The following TFDP2 variants were observed in gnomAD, a reference collection of about 807,000 sequenced individuals.
TFDP2 encodes transcription factor Dp-2 (E2F dimerization partner 2).
In TFDP2, 17 loss-of-function variants were observed where a neutral mutation model predicts 59.3. The ratio of observed to expected loss-of-function variants is 0.29; its 90% CI spans 0.20 to 0.43. The LOEUF (loss-of-function observed/expected upper bound fraction) is 0.43. Ranked by LOEUF, TFDP2 falls within the 20% of genes least tolerant of loss-of-function variation. The pLI is 1.00. For synonymous variants in TFDP2, 180 were observed against 194.7 expected, an observed-to-expected ratio of 0.92 and a Z score of 0.63; for missense variants, 391 against 528.8, an observed-to-expected ratio of 0.74 and a Z score of 2.56.
intron 3 of TFDP2, among the ~76,000 whole-genome samples, chr3:142,066,859 A>C (rs2060089311): frequency 1.3e-5 from 2 of 152,206 alleles, no homozygotes; most frequent in South Asian, 4.1e-4. Flanking sequence ...TTGACATATA[A>C]AAATCAATCA....
intron 1 of TFDP2, among the ~76,000 whole-genome samples, chr3:142,120,824 T>G (rs1392244697): frequency 2.0e-5 from 3 of 152,142 alleles, no homozygotes; most frequent in Non-Finnish European, 4.4e-5. Flanking sequence ...CAACCACTGT[T>G]CATAACCCCA....
intron 4 of TFDP2, among the ~76,000 whole-genome samples, chr3:141,997,893 AGAAG>A (rs1320135745): frequency 1.3e-5 from 2 of 151,258 alleles, no homozygotes; most frequent in Non-Finnish European, 2.9e-5. Context: ...AAAAAAAGAG[AGAAG>A]GAAGGGAAAG....
intron 1 of TFDP2, among the ~76,000 whole-genome samples, chr3:142,107,781 T>G (rs1489477750): frequency 3.3e-5 from 5 of 152,164 alleles, no homozygotes; most frequent in Non-Finnish European, 5.9e-5. Context: ...CCAGCAAAAG[T>G]GTTCTTAACT....
intron 1 of TFDP2, among the ~76,000 whole-genome samples, chr3:142,116,122 T>C (rs2061845836): frequency 2.0e-5 from 3 of 151,828 alleles, no homozygotes; most frequent in Admixed American, 1.3e-4. Flanking sequence ...TGGAATGCAG[T>C]GGTGCAATCA....
chr3:142,031,446 T>G (rs1261361661), intron 3 of TFDP2, among the ~76,000 whole-genome samples: 1 of 152,160 alleles, frequency 6.6e-6, no homozygotes, highest in Non-Finnish European at 1.5e-5. Flanking sequence ...GGTCTCAAAT[T>G]CTTTACTCAT....
chr3:142,147,147 G>A (rs2063210243), intron 1 of TFDP2, among the ~76,000 whole-genome samples: 1 of 151,296 alleles, frequency 6.6e-6, no homozygotes, highest in South Asian at 2.1e-4. Flanking sequence ...ATACAAATAT[G>A]CATAATTTTG....
chr3:142,116,444 T>C (rs2061855891), intron 1 of TFDP2, among the ~76,000 whole-genome samples: 1 of 152,098 alleles, frequency 6.6e-6, no homozygotes. Flanking sequence ...GAGGCAGAGA[T>C]TGGAATTATG....
chr3:142,124,394 A>G (rs1198607162), intron 1 of TFDP2, among the ~76,000 whole-genome samples: 1 of 152,192 alleles, frequency 6.6e-6, no homozygotes, highest in Non-Finnish European at 1.5e-5. Context: ...AGATAGAGGG[A>G]ACAGAAAAGT....
intron 1 of TFDP2, among the ~76,000 whole-genome samples, chr3:142,112,886 A>C (rs2061709652): frequency 1.3e-5 from 2 of 152,220 alleles, no homozygotes; most frequent in South Asian, 4.1e-4. Flanking sequence ...ATATTATGCA[A>C]TATTAACAGA....
At chr3:141,968,411 TAA>T (rs1353922682) in intron 9 of TFDP2, among the ~76,000 whole-genome samples, 28 of 109,818 alleles carry the variant, frequency 2.5e-4, no homozygotes, top group South Asian at 5.1e-4. Flanking sequence ...ATCATATATA[TAA>T]CATATATATC....
chr3:142,069,974 C>G (rs2060191620), intron 3 of TFDP2, among the ~76,000 whole-genome samples: 1 of 151,742 alleles, frequency 6.6e-6, no homozygotes, highest in African/African-American at 2.4e-5. Flanking sequence ...GGCGTGATCT[C>G]GGCTCACTGC....
intron 1 of TFDP2, among the ~76,000 whole-genome samples, chr3:142,122,770 C>A (rs901421341): frequency 6.6e-6 from 1 of 152,116 alleles, no homozygotes; most frequent in Non-Finnish European, 1.5e-5. Flanking sequence ...ATAAGGGATG[C>A]AGCTGTGAGC....
At chr3:142,098,966 C>A (rs1180959491) in intron 2 of TFDP2, among the ~76,000 whole-genome samples, 1 of 152,156 alleles carries the variant, frequency 6.6e-6, no homozygotes, top group Non-Finnish European at 1.5e-5. Flanking sequence ...GGGTTTCGAT[C>A]ATTTGCAACT....
intron 1 of TFDP2, among the ~76,000 whole-genome samples, chr3:142,133,867 T>C (rs898995537): frequency 2.0e-5 from 3 of 151,690 alleles, no homozygotes; most frequent in African/African-American, 7.3e-5. Context: ...GGACTAAAAA[T>C]AGGAGGAAGA....
intron 3 of TFDP2, among the ~76,000 whole-genome samples, chr3:142,039,149 T>A (rs1334831180): frequency 6.6e-6 from 1 of 152,232 alleles, no homozygotes; most frequent in Non-Finnish European, 1.5e-5. Flanking sequence ...GTTTTTGTCA[T>A]TTACATTTGA....
At chr3:142,032,324 C>T (rs1397765) in intron 3 of TFDP2, among the ~76,000 whole-genome samples, 1 of 152,058 alleles carries the variant, frequency 6.6e-6, no homozygotes, top group Non-Finnish European at 1.5e-5. Context: ...GGCTGAACTC[C>T]TAGGCTCAAG....
intron 4 of TFDP2, among the ~76,000 whole-genome samples, chr3:142,004,335 A>G (rs1944050682): frequency 6.6e-6 from 1 of 152,224 alleles, no homozygotes; most frequent in East Asian, 1.9e-4. Context: ...ATGTTAAAAG[A>G]TATCTTTGTC....
At chr3:141,990,989 C>T (rs1011451926) in intron 6 of TFDP2, among the ~76,000 whole-genome samples, 1 of 151,124 alleles carries the variant, frequency 6.6e-6, no homozygotes, top group Non-Finnish European at 1.5e-5. Flanking sequence ...GCCCAGGAAG[C>T]GTAAGTTGCA....
intron 3 of TFDP2, among the ~76,000 whole-genome samples, chr3:142,036,400 G>T (rs1156529469): frequency 6.6e-6 from 1 of 152,160 alleles, no homozygotes; most frequent in African/African-American, 2.4e-5. Flanking sequence ...ACAACTATCT[G>T]AATAAACCTG....
Sources: allele counts gnomAD v4.1 joint callset (sites outside exome capture counted in the v4.1 genomes callset), GRCh38; gene constraint gnomAD v4.1.1; transcripts MANE v1.5; gene names NCBI Gene and HGNC (gene_info 2026-07-23, HGNC 2026-07-21).